The following CDH13 variants were observed in gnomAD, a reference collection of about 807,000 sequenced individuals.
The protein encoded by CDH13 is cadherin-13.
Under a neutral mutation model 63.8 loss-of-function variants are expected in CDH13, and 24 were observed. The ratio of observed to expected loss-of-function variants is 0.38; its 90% confidence interval spans 0.27 to 0.53. The LOEUF is 0.53. CDH13 is among the 20% of genes least tolerant of loss of function. The pLI is 0.85. For missense variants in CDH13, 1,049 were observed against 903.1 expected (o/e 1.16, Z -2.07); for synonymous variants, 503 against 355.3 (o/e 1.42, Z -4.67).
At chr16:82,808,384 G>T (rs1811634281) in intron 1 of CDH13, among the ~76,000 whole-genome samples, 2 of 152,038 alleles carry the variant, frequency 1.3e-5, no homozygotes, top group Non-Finnish European at 2.9e-5. Flanking sequence ...ATAATTTGTG[G>T]AGACACTTAG....
chr16:83,246,341 G>A (rs1904991427), intron 5 of CDH13, among the ~76,000 whole-genome samples: 1 of 152,096 alleles, frequency 6.6e-6, no homozygotes, highest in Non-Finnish European at 1.5e-5. Context: ...GGGGGGGTCT[G>A]TGATTGTTTT....
At chr16:83,096,608 T>G (rs971423237) in intron 3 of CDH13, among the ~76,000 whole-genome samples, 1 of 152,186 alleles carries the variant, frequency 6.6e-6, no homozygotes, top group Non-Finnish European at 1.5e-5. Flanking sequence ...TTTAAATTCT[T>G]AATATGAGAA....
chr16:83,104,788 A>C (rs1307905284), intron 3 of CDH13, among the ~76,000 whole-genome samples: 1 of 152,190 alleles, frequency 6.6e-6, no homozygotes, highest in Non-Finnish European at 1.5e-5. Context: ...CTAATTTTAG[A>C]GTTTGCAGCC....
At chr16:82,990,065 T>G (rs1354194442) in intron 2 of CDH13, 1 of 152,136 alleles carries the variant, frequency 6.6e-6, no homozygotes, top group Non-Finnish European at 1.5e-5. Flanking sequence ...ATCCATATAC[T>G]GTATCACATC....
In CDH13 at chr16:82,740,293, A is replaced by T. The variant is rs149031112; in HGVS notation, c.45+113156A>T. 4.5e-3 allele frequency among the ~76,000 whole-genome samples: 680 copies of T among 152,288 alleles called. 3 individuals carry two copies. The highest frequency in any genetic ancestry group is 0.017 in the Middle Eastern group (5 of 294). On this transcript the variant is annotated intron_variant, in intron 1 of 13. Transcript: ENST00000567109. ...AATTCTGGATGGAAACTCATCAGCA[A>T]CTTCCAGTTGATGAGATGACGTTCT...
At chr16:83,696,419 G>T (rs1009019397) in intron 10 of CDH13, among the ~76,000 whole-genome samples, 6 of 151,982 alleles carry the variant, frequency 3.9e-5, no homozygotes, top group African/African-American at 1.5e-4. Flanking sequence ...AATCTGTAAA[G>T]GTGGGAGGAC....
chr16:83,310,314 A>T (rs555916849), intron 5 of CDH13, among the ~76,000 whole-genome samples: 3 of 152,210 alleles, frequency 2.0e-5, no homozygotes, highest in Non-Finnish European at 4.4e-5. Flanking sequence ...TGCATTTTTG[A>T]TAAGGTAAAT....
chr16:83,184,424 G>A (rs2038450215), intron 4 of CDH13, among the ~76,000 whole-genome samples: 1 of 152,124 alleles, frequency 6.6e-6, no homozygotes, highest in Non-Finnish European at 1.5e-5. Flanking sequence ...GACTACCAGA[G>A]AAGAGATATT....
intron 7 of CDH13, among the ~76,000 whole-genome samples, chr16:83,548,488 C>T (rs1418851136): frequency 6.6e-6 from 1 of 152,182 alleles, no homozygotes; most frequent in Non-Finnish European, 1.5e-5. Flanking sequence ...AACCTGGCTT[C>T]AGATGTAGAA....
At chr16:82,977,260 A>C (rs1014486146) in intron 2 of CDH13, among the ~76,000 whole-genome samples, 1 of 152,114 alleles carries the variant, frequency 6.6e-6, no homozygotes, top group Non-Finnish European at 1.5e-5. Context: ...CACTGGGATG[A>C]GTAAGGCAGC....
At chr16:83,070,272 C>G (rs950098514) in intron 3 of CDH13, among the ~76,000 whole-genome samples, 5 of 152,176 alleles carry the variant, frequency 3.3e-5, no homozygotes, top group African/African-American at 9.7e-5. Flanking sequence ...TTGATACAAG[C>G]CACTATCAAC....
chr16:83,732,840 C>G lies in CDH13; in HGVS notation c.1539-15268C>G, dbSNP rs192651976. On this transcript the variant is annotated intron_variant, in intron 10 of 13. Transcript: ENST00000567109. ...CTTGAAATCCCTGGGGATATCAACT[C>G]CTTGGAATTCCAGGCTGCTCTTCCA... Among the ~76,000 whole-genome samples, 83 of 152,296 alleles carry G rather than the reference C, an allele frequency of 5.4e-4. No individual in the cohort carries two copies. The South Asian group carries it at 6.2e-3, about 11-fold the overall frequency.
At chr16:83,185,935 C>A (rs1001772652) in intron 4 of CDH13, among the ~76,000 whole-genome samples, 27 of 152,048 alleles carry the variant, frequency 1.8e-4, no homozygotes, top group African/African-American at 6.0e-4. Flanking sequence ...GTCCGAAAAC[C>A]AATTATCATC....
intron 2 of CDH13, among the ~76,000 whole-genome samples, chr16:82,876,666 A>G (rs2040516394): frequency 6.6e-6 from 1 of 152,184 alleles, no homozygotes; most frequent in South Asian, 2.1e-4. Context: ...TTAACTCCAA[A>G]TACCTTCCAG....
chr16:83,700,660 A>T (rs1375661604), intron 10 of CDH13, among the ~76,000 whole-genome samples: 1 of 152,240 alleles, frequency 6.6e-6, no homozygotes, highest in Non-Finnish European at 1.5e-5. Flanking sequence ...ACATTGAAGT[A>T]CTTTTTTATG....
intron 3 of CDH13, among the ~76,000 whole-genome samples, chr16:83,092,980 A>C (rs985112491): frequency 6.6e-6 from 1 of 152,214 alleles, no homozygotes; most frequent in Non-Finnish European, 1.5e-5. Flanking sequence ...TAAGGAAGGC[A>C]CTGTGATAGT....
chr16:83,447,037 CACTG>C (rs1319373698), intron 6 of CDH13, among the ~76,000 whole-genome samples: 1 of 126,502 alleles, frequency 7.9e-6, no homozygotes, highest in Non-Finnish European at 1.7e-5. Flanking sequence ...TTACCACCAC[CACTG>C]GTCACCCGTC....
chr16:82,659,198 A>ACT (rs1371776088), intron 1 of CDH13, among the ~76,000 whole-genome samples: 1 of 152,216 alleles, frequency 6.6e-6, no homozygotes, highest in Non-Finnish European at 1.5e-5. Context: ...GGATGGCAGA[A>ACT]CTTCTCTATT....
Position 82,710,488 on chromosome 16 carries a change from G to A in CDH13, c.45+83351G>A, listed in dbSNP as rs1336834480. Among the ~76,000 whole-genome samples the A allele has an allele frequency of 7.1e-5, 9 of 126,328 alleles. No homozygotes were observed. In the Admixed American group the frequency reaches 8.3e-4, roughly 12 times the overall value. The allele number at this position is 126,328 out of a possible 152,430, so 82.9% of individuals were successfully genotyped here. Reference sequence around the variant, plus strand: ...GCGGAGCTTGCAGTGAGCCGAGATCGCGCCACTGCACTCCAGCCTGGGTGA... The same window carrying A: ...GCGGAGCTTGCAGTGAGCCGAGATCACGCCACTGCACTCCAGCCTGGGTGA... On this transcript the variant is annotated intron_variant, in intron 1 of 13. Transcript: ENST00000567109.
Sources: allele counts gnomAD v4.1 joint callset (sites outside exome capture counted in the v4.1 genomes callset), GRCh38; gene constraint gnomAD v4.1.1; transcripts MANE v1.5; gene names NCBI Gene and HGNC (gene_info 2026-07-23, HGNC 2026-07-21).